Variants in ABHD12 observed in about 807,000 individuals in gnomAD.
ABHD12 encodes the protein abhydrolase domain containing 12, lysophospholipase.
In ABHD12, 43 loss-of-function variants were observed where a neutral mutation model predicts 58.3. The observed-to-expected ratio is 0.74, with a 90% CI of 0.58 to 0.95. ABHD12 has a LOEUF of 0.95. ABHD12 is among the 40% of genes least tolerant of loss of function. The pLI, the probability that ABHD12 is intolerant of heterozygous loss-of-function variation, is 0.00. For synonymous variants in ABHD12, 219 were observed against 211.2 expected, an observed-to-expected ratio of 1.04 and a Z score of -0.32; for missense variants, 539 against 537.2, an observed-to-expected ratio of 1.00 and a Z score of -0.03.
At chr20:25,349,662 A>T (rs2089572321) in intron 1 of ABHD12, among the ~76,000 whole-genome samples, 1 of 152,226 alleles carries the variant, frequency 6.6e-6, no homozygotes, top group South Asian at 2.1e-4. Flanking sequence ...TAAATATTAT[A>T]TGATTCCATT....
chr20:25,360,947 C>T (rs190827881), intron 1 of ABHD12, among the ~76,000 whole-genome samples: 39 of 152,266 alleles, frequency 2.6e-4, no homozygotes, highest in African/African-American at 8.9e-4. Context: ...GTTTGGACTA[C>T]GAAGGCCAGA....
At position 25,326,191 on chromosome 20, in the gene ABHD12, G is replaced by T. The variant is rs192580847; in HGVS notation, c.317-2761C>A. ...GAAGGGAGAGAGGTAGGGAGGGAGT[G>T]GGGGGAGGGAAAGAAAGGAAAGAAA... On this transcript the variant is annotated intron_variant, in intron 2 of 12. Coordinates refer to ENST00000339157, the MANE Select transcript of ABHD12 (RefSeq NM_001042472.3). Among the ~76,000 whole-genome samples, 11 of 151,544 alleles carry T rather than the reference G, an allele frequency of 7.3e-5. No individual in the cohort carries two copies. In the South Asian group the frequency reaches 1.7e-3, roughly 23 times the overall value.
At chr20:25,351,906 C>CAA (rs529623950) in intron 1 of ABHD12, among the ~76,000 whole-genome samples, 2 of 151,854 alleles carry the variant, frequency 1.3e-5, no homozygotes, top group African/African-American at 2.4e-5. Flanking sequence ...TGTCTCAAAA[C>CAA]AAAAAAACAA....
intron 4 of ABHD12, among the ~76,000 whole-genome samples, chr20:25,318,255 C>G (rs2088999676): frequency 6.6e-6 from 1 of 152,140 alleles, no homozygotes; most frequent in Non-Finnish European, 1.5e-5. Flanking sequence ...GCTGAGGTTG[C>G]AGTGAGTCAG....
rs1274877504 is a variant in ABHD12, at chr20:25,307,875, T to C, written c.867+91A>G. ...CATTAGAATATTTAAATAACAATTTTTAATAATTATTATAATGTATCCTGT... is the reference window on the plus strand; with the variant it reads ...CATTAGAATATTTAAATAACAATTTCTAATAATTATTATAATGTATCCTGT... On this transcript the variant is annotated intron_variant, in intron 9 of 12. Transcript: ENST00000339157. 9.3e-6 allele frequency: 5 copies of C among 536,768 alleles called. 1 individual carries two copies. Among genetic ancestry groups the C allele is most frequent in the Non-Finnish European group, 1.5e-5 (5 of 327,208 alleles). The allele number at this position is 536,768 out of a possible 1,614,324, so 33.3% of individuals were successfully genotyped here.
chr20:25,388,787 C>CTTTTTT (rs780031801), intron 1 of ABHD12, among the ~76,000 whole-genome samples: 36 of 122,086 alleles, frequency 2.9e-4, no homozygotes, highest in Non-Finnish European at 4.4e-4. Context: ...TTGATTTTTT[C>CTTTTTT]TTTTTTTTTT....
At chr20:25,329,719 CAG>C (rs953174874) in intron 2 of ABHD12, among the ~76,000 whole-genome samples, 2 of 152,158 alleles carry the variant, frequency 1.3e-5, no homozygotes, top group African/African-American at 4.8e-5. Flanking sequence ...CTGTGAGTAA[CAG>C]AGCAGCCTTG....
chr20:25,339,949 C>A (rs879640426), intron 1 of ABHD12, among the ~76,000 whole-genome samples: 9 of 152,232 alleles, frequency 5.9e-5, no homozygotes, highest in Admixed American at 5.9e-4. Flanking sequence ...CAAGCCAGGT[C>A]GCCAGCCCAG....
chr20:25,308,560 T>TA (rs987398695), intron 7 of ABHD12, 66 bp from the exon 8 acceptor site: 49 of 1,504,296 alleles, frequency 3.3e-5, no homozygotes, highest in Non-Finnish European at 4.1e-5. Flanking sequence ...ATGGGCCTTA[T>TA]GCTGGAAAGT....
intron 6 of ABHD12, among the ~76,000 whole-genome samples, chr20:25,311,987 C>T (rs1239182705): frequency 1.3e-5 from 2 of 152,094 alleles, no homozygotes; most frequent in African/African-American, 4.8e-5. Context: ...GGATTACAGG[C>T]GTGAGCCACC....
At chr20:25,324,989 G>A (rs561334647) in intron 2 of ABHD12, among the ~76,000 whole-genome samples, 7 of 151,962 alleles carry the variant, frequency 4.6e-5, no homozygotes, top group South Asian at 2.1e-4. Flanking sequence ...CTCACATGAC[G>A]GAGCTGGATT....
At position 25,348,926 on chromosome 20, in the gene ABHD12, C is replaced by A. The variant is rs1254424862; in HGVS notation, c.192-9575G>T. 7.3e-5 allele frequency among the ~76,000 whole-genome samples: 11 copies of A among 150,600 alleles called. 1 individual carries two copies. The East Asian group carries it at 2.2e-3, about 29-fold the overall frequency. Reference sequence around the variant, plus strand: ...TGAAACCCCGTCTCTACTAAAAATACAAAAAAAATTAGCCGGGCATGGTGG... The same window carrying A: ...TGAAACCCCGTCTCTACTAAAAATAAAAAAAAAATTAGCCGGGCATGGTGG... On this transcript the variant is annotated intron_variant, in intron 1 of 12. Transcript: ENST00000339157.
At chr20:25,317,846 G>A (rs989303574) in intron 4 of ABHD12, among the ~76,000 whole-genome samples, 4 of 152,096 alleles carry the variant, frequency 2.6e-5, no homozygotes, top group Admixed American at 1.3e-4. Context: ...AACCTGGACC[G>A]ACCCCACAGC....
chr20:25,313,996 T>C (rs1188766523), intron 6 of ABHD12, among the ~76,000 whole-genome samples: 1 of 149,776 alleles, frequency 6.7e-6, no homozygotes, highest in Non-Finnish European at 1.5e-5. Context: ...TTTTTTGACA[T>C]GGAGTCTTGC....
chr20:25,360,257 T>G (rs984540864), intron 1 of ABHD12, among the ~76,000 whole-genome samples: 1 of 137,148 alleles, frequency 7.3e-6, no homozygotes, highest in Non-Finnish European at 1.6e-5. Flanking sequence ...TTTTTTTTTT[T>G]TGAGATGGAG....
chr20:25,302,335 GATGCTATA>G lies in ABHD12; in HGVS notation c.1033_1040del (p.Tyr345ArgfsTer33). Reference sequence around the variant, plus strand: ...CTCGGAAGCTTCGAGCTGGTGCGGCGATGCTATAGAGCTGGGGAGAGAGGGGTCAGAGC... The same window carrying G: ...CTCGGAAGCTTCGAGCTGGTGCGGCGGAGCTGGGGAGAGAGGGGTCAGAGC... On this transcript the variant is annotated frameshift_variant, in exon 12 of 13. Coordinates refer to ENST00000339157, the MANE Select transcript of ABHD12 (RefSeq NM_001042472.3). LOFTEE classifies it high-confidence loss of function. 1 of 1,613,382 alleles carries G rather than the reference GATGCTATA, an allele frequency of 6.2e-7. No individual in the cohort carries two copies. Among genetic ancestry groups the G allele is most frequent in the South Asian group, 1.1e-5 (1 of 91,038 alleles).
At chr20:25,297,963 T>C (rs1236850179), downstream of ABHD12, 1 of 152,318 alleles carries the variant, frequency 6.6e-6, no homozygotes, top group Non-Finnish European at 1.5e-5. Flanking sequence ...TCATTGTTAC[T>C]GCCTTGTGAG....
rs1231184311 is a variant in ABHD12 at position 25,312,640 on chromosome 20, A to G, written c.619+2285T>C. On this transcript the variant is annotated intron_variant, in intron 6 of 12. Transcript: ENST00000339157. ...GAGGAGCGTCTCCGCCTGGCCGCCC[A>G]TCGTCTGGGATGTGAGGAGCCCCTC... Among the ~76,000 whole-genome samples the G allele has an allele frequency of 1.5e-5, 2 of 130,220 alleles. 1 individual carries two copies. The highest frequency in any genetic ancestry group is 3.2e-5 in the Non-Finnish European group (2 of 61,540). The allele number at this position is 130,220 out of a possible 152,430, so 85.4% of individuals were successfully genotyped here.
intron 1 of ABHD12, among the ~76,000 whole-genome samples, chr20:25,347,050 G>A (rs924823065): frequency 1.3e-5 from 2 of 152,182 alleles, no homozygotes; most frequent in Non-Finnish European, 2.9e-5. Context: ...AGAGATGAGG[G>A]TGGTACGAGA....
Sources: gnomAD v4.1 joint callset for allele counts (sites outside exome capture counted in the v4.1 genomes callset) on GRCh38, gnomAD v4.1.1 for gene constraint, MANE v1.5 for transcripts, NCBI Gene and HGNC (gene_info 2026-07-23, HGNC 2026-07-21) for gene names.